The following NLGN1 variants were observed in gnomAD, a reference collection of about 807,000 sequenced individuals.
NLGN1 encodes the protein neuroligin 1, also known as neuroligin-1.
In NLGN1, 12 loss-of-function variants were observed where a neutral mutation model predicts 65.5. The observed-to-expected ratio is 0.18, with a 90% confidence interval of 0.12 to 0.30. The LOEUF (loss-of-function observed/expected upper bound fraction) is 0.30, where lower values mean the gene tolerates loss of function less well. Among genes scored for constraint, NLGN1 ranks in the 10% least tolerant of loss-of-function variants. The probability of loss-of-function intolerance (pLI) is 1.00; values close to 1 mark genes in which losing one functional copy is unlikely to be tolerated. For missense variants in NLGN1, 750 were observed against 1,007.1 expected (o/e 0.74, Z 3.46); for synonymous variants, 350 against 359.5 (o/e 0.97, Z 0.30).
chr3:173,430,723 T>A (rs2148740242), intron 1 of NLGN1, among the ~76,000 whole-genome samples: 1 of 152,302 alleles, frequency 6.6e-6, no homozygotes, highest in East Asian at 1.9e-4. Flanking sequence ...ATTAAATGAG[T>A]TCTCACTCTT....
At chr3:174,027,812 A>G (rs975445353) in intron 4 of NLGN1, among the ~76,000 whole-genome samples, 1 of 152,202 alleles carries the variant, frequency 6.6e-6, no homozygotes, top group Non-Finnish European at 1.5e-5. Flanking sequence ...TAATTTGCAT[A>G]AAACTCATAG....
intron 3 of NLGN1, among the ~76,000 whole-genome samples, chr3:173,745,358 T>C (rs1289698636): frequency 6.6e-6 from 1 of 152,140 alleles, no homozygotes; most frequent in African/African-American, 2.4e-5. Context: ...TTTAAAGTAG[T>C]AGATCCTTGG....
At chr3:173,548,935 C>T (rs774295307) in intron 2 of NLGN1, among the ~76,000 whole-genome samples, 1 of 151,962 alleles carries the variant, frequency 6.6e-6, no homozygotes, top group African/African-American at 2.4e-5. Flanking sequence ...ACCATTAGAT[C>T]TATTTCATGC....
Position 173,595,528 on chromosome 3 carries a change from C to T in NLGN1, c.-320-8751C>T, listed in dbSNP as rs547095806. ...AAGTTCCAAACTTTCCTACATTTTT[C>T]GGTCTTCTTCTGAGCCCTCCAAACT... On this transcript the variant is annotated intron_variant, in intron 2 of 6. Coordinates refer to ENST00000457714, the Ensembl canonical transcript of NLGN1. Among the ~76,000 whole-genome samples, 9 of 152,272 alleles carry T rather than the reference C, an allele frequency of 5.9e-5. 1 individual carries two copies. The highest frequency in any genetic ancestry group is 4.1e-4 in the South Asian group (2 of 4,828).
At chr3:173,446,722 C>T (rs1720423853) in intron 2 of NLGN1, among the ~76,000 whole-genome samples, 1 of 152,172 alleles carries the variant, frequency 6.6e-6, no homozygotes, top group Admixed American at 6.5e-5. Context: ...CTCTCCAGCA[C>T]CTGTTGTTTC....
intron 4 of NLGN1, among the ~76,000 whole-genome samples, chr3:173,945,968 T>G (rs1275974283): frequency 6.6e-6 from 1 of 152,178 alleles, no homozygotes; most frequent in African/African-American, 2.4e-5. Flanking sequence ...TTGAGTCAAA[T>G]ACAATATGAT....
chr3:174,228,889 A>G (rs1740198971), intron 4 of NLGN1, among the ~76,000 whole-genome samples: 1 of 152,128 alleles, frequency 6.6e-6, no homozygotes, highest in African/African-American at 2.4e-5. Flanking sequence ...GACATTGATT[A>G]CTTCCTGGAG....
intron 2 of NLGN1, among the ~76,000 whole-genome samples, chr3:173,460,232 A>T (rs1723146608): frequency 6.6e-6 from 1 of 152,076 alleles, no homozygotes; most frequent in South Asian, 2.1e-4. Context: ...GTAGGTATTT[A>T]TGAAATACTC....
intron 2 of NLGN1, among the ~76,000 whole-genome samples, chr3:173,513,224 A>ATT (rs34706813): frequency 0.024 from 3,674 of 151,636 alleles, 59 homozygotes; most frequent in Middle Eastern, 0.048. Context: ...TGAAAATGAG[A>ATT]TTTTTTTTTC....
At chr3:173,864,341 T>A (rs1345663500) in intron 4 of NLGN1, among the ~76,000 whole-genome samples, 3 of 152,336 alleles carry the variant, frequency 2.0e-5, no homozygotes, top group East Asian at 1.9e-4. Context: ...GTCACTTTTT[T>A]AATTAGAATG....
intron 4 of NLGN1, among the ~76,000 whole-genome samples, chr3:174,165,506 A>G (rs572233369): frequency 1.3e-5 from 2 of 152,062 alleles, no homozygotes; most frequent in Admixed American, 1.3e-4. Flanking sequence ...ACATTTATTG[A>G]TTTGCATATG....
At chr3:174,138,949 A>C (rs908898218) in intron 4 of NLGN1, among the ~76,000 whole-genome samples, 1 of 152,196 alleles carries the variant, frequency 6.6e-6, no homozygotes, top group African/African-American at 2.4e-5. Context: ...AACTTCTTTA[A>C]ATTTAAACTT....
intron 4 of NLGN1, among the ~76,000 whole-genome samples, chr3:174,019,545 A>C (rs549820002): frequency 6.6e-6 from 1 of 152,318 alleles, no homozygotes; most frequent in African/African-American, 2.4e-5. Flanking sequence ...CAGAAAACAG[A>C]CTAAGACAAA....
chr3:174,004,185 G>C (rs1415509003), intron 4 of NLGN1, among the ~76,000 whole-genome samples: 2 of 152,084 alleles, frequency 1.3e-5, no homozygotes, highest in Non-Finnish European at 2.9e-5. Flanking sequence ...ATTCCTGTTA[G>C]CTTTGTTATT....
rs374493800 is a variant in NLGN1, at chr3:174,227,995, C to T, written c.647-47320C>T. 3.3e-5 allele frequency among the ~76,000 whole-genome samples: 5 copies of T among 152,014 alleles called. No homozygotes were observed. The East Asian group carries it at 7.7e-4, about 23-fold the overall frequency. The stretch of plus-strand genomic sequence containing the variant: ...AAGTGATTTTTAATATATAGTTGTA[C>T]ATATTCTTAGGAAAATTTGTGTATT... On this transcript the variant is annotated intron_variant, in intron 4 of 6. Transcript: ENST00000457714.
chr3:174,184,998 C>T (rs1207072255), intron 4 of NLGN1, among the ~76,000 whole-genome samples: 1 of 151,962 alleles, frequency 6.6e-6, no homozygotes, highest in South Asian at 2.1e-4. Flanking sequence ...AATGCACAGC[C>T]GGGCCCTTGT....
chr3:174,138,433 C>CTTTTTT (rs58713208), intron 4 of NLGN1, among the ~76,000 whole-genome samples: 7 of 132,562 alleles, frequency 5.3e-5, no homozygotes, highest in African/African-American at 8.6e-5. Context: ...TTCTACTATT[C>CTTTTTT]TTTTTTTTTT....
At chr3:174,207,606 A>G (rs1042670122) in intron 4 of NLGN1, among the ~76,000 whole-genome samples, 4 of 152,212 alleles carry the variant, frequency 2.6e-5, no homozygotes, top group Non-Finnish European at 5.9e-5. Context: ...GCTATGAGAA[A>G]TTTCCCCAAC....
intron 4 of NLGN1, among the ~76,000 whole-genome samples, chr3:174,086,002 A>T (rs1271656316): frequency 6.6e-6 from 1 of 152,016 alleles, no homozygotes; most frequent in Non-Finnish European, 1.5e-5. Flanking sequence ...AAATTAACAA[A>T]TTTTTGGATA....
Sources: allele counts gnomAD v4.1 joint callset (sites outside exome capture counted in the v4.1 genomes callset), GRCh38; gene constraint gnomAD v4.1.1; transcripts MANE v1.5; gene names NCBI Gene and HGNC (gene_info 2026-07-23, HGNC 2026-07-21).